VIT: variants seen among roughly 807,000 people sequenced by gnomAD.
VIT encodes the protein vitrin.
In VIT, 99 loss-of-function variants were observed where a neutral mutation model predicts 78.0. That is an observed-to-expected ratio of 1.27 (90% CI 1.08 to 1.50). The LOEUF (loss-of-function observed/expected upper bound fraction) is 1.50, where lower values mean the gene tolerates loss of function less well. VIT is among the 40% of genes most tolerant of loss of function. The pLI is 0.00. For missense variants in VIT, 1,126 were observed against 875.3 expected (o/e 1.29, Z -3.61); for synonymous variants, 374 against 334.3 (o/e 1.12, Z -1.29).
At position 36,758,972 on chromosome 2, in the gene VIT, G is replaced by A; in HGVS notation, c.413G>A (p.Ser138Asn). The A allele has an allele frequency of 3.1e-6, 5 of 1,609,174 alleles. No homozygotes were observed. Among genetic ancestry groups the A allele is most frequent in the East Asian group, 2.2e-5 (1 of 44,838 alleles). The change falls in exon 6 of 16, where the codon AGT becomes AAT. Residue 138 changes from serine (S) to asparagine (N), a missense_variant. Transcript: ENST00000379242. Reference sequence around the variant, plus strand: ...TTTTTTTTTCTCTTTTTTGCAGAAAGTAAACCCAAAAAGGGTGTAACCTAC... The same window carrying A: ...TTTTTTTTTCTCTTTTTTGCAGAAAATAAACCCAAAAAGGGTGTAACCTAC... The part of the protein sequence containing the change: ...RWRESFIVLE[S>N]KPKKGVTYPS...
intron 6 of VIT, among the ~76,000 whole-genome samples, chr2:36,765,634 A>G (rs574524591): frequency 2.0e-5 from 3 of 152,324 alleles, no homozygotes; most frequent in African/African-American, 7.2e-5. Flanking sequence ...ACCATATCAG[A>G]GGTCATATGA....
chr2:36,697,884 T>C (rs1011509071), intron 1 of VIT, among the ~76,000 whole-genome samples: 53 of 152,230 alleles, frequency 3.5e-4, no homozygotes, highest in Non-Finnish European at 1.2e-4. Context: ...TATTTTGCCG[T>C]TACGTTGTGT....
At chr2:36,721,433 T>A (rs1666503786) in intron 2 of VIT, among the ~76,000 whole-genome samples, 1 of 152,000 alleles carries the variant, frequency 6.6e-6, no homozygotes, top group African/African-American at 2.4e-5. Context: ...TTTGCTTAAG[T>A]CCCCCTACCC....
Position 36,754,861 on chromosome 2 carries a change from G to A in VIT, c.276-60G>A, listed in dbSNP as rs566466421. On this transcript the variant is annotated intron_variant, in intron 4 of 15. Transcript: ENST00000379242. ...AAGATGGCGACTGGTTTTCTAGCCT[G>A]TTGATCACGTCAAAAAATATTTCTG... The A allele has an allele frequency of 1.9e-6, 3 of 1,569,026 alleles. No individual in the cohort carries two copies. The Admixed American group carries it at 5.4e-5, about 28-fold the overall frequency.
At chr2:36,778,279 T>C (rs939864621) in intron 9 of VIT, among the ~76,000 whole-genome samples, 1 of 152,210 alleles carries the variant, frequency 6.6e-6, no homozygotes, top group Non-Finnish European at 1.5e-5. Flanking sequence ...GCAACACCAC[T>C]GCCTCCTACA....
At chr2:36,722,181 T>C (rs1222891271) in intron 2 of VIT, among the ~76,000 whole-genome samples, 4 of 152,226 alleles carry the variant, frequency 2.6e-5, no homozygotes, top group Non-Finnish European at 5.9e-5. Flanking sequence ...TTTCAATGCA[T>C]GATAGAGCAG....
intron 6 of VIT, chr2:36,759,437 G>A: frequency 1.6e-6 from 2 of 1,253,690 alleles, no homozygotes; most frequent in Non-Finnish European, 2.0e-6. Context: ...AGAGAACGAG[G>A]TGGTTTATGT....
intron 14 of VIT, among the ~76,000 whole-genome samples, chr2:36,806,948 C>T (rs966778387): frequency 1.2e-4 from 19 of 152,072 alleles, no homozygotes; most frequent in African/African-American, 4.4e-4. Context: ...ACCTTAAATC[C>T]CACCTATAAC....
chr2:36,707,706 C>T (rs1022536856), intron 1 of VIT, among the ~76,000 whole-genome samples: 6 of 152,170 alleles, frequency 3.9e-5, no homozygotes, highest in Non-Finnish European at 5.9e-5. Context: ...TCTGCGTAGG[C>T]CACCAACAGT....
chr2:36,813,117 G>A (rs1667305562), intron 15 of VIT, among the ~76,000 whole-genome samples: 1 of 149,178 alleles, frequency 6.7e-6, no homozygotes, highest in South Asian at 2.2e-4. Flanking sequence ...TGGGATTACA[G>A]GCATGCGCCA....
intron 3 of VIT, among the ~76,000 whole-genome samples, chr2:36,738,393 C>A (rs956661608): frequency 6.6e-6 from 1 of 151,960 alleles, no homozygotes; most frequent in Non-Finnish European, 1.5e-5. Context: ...AAGACTAATG[C>A]CTTTTAGGGT....
At chr2:36,748,957 G>A (rs750776246) in intron 4 of VIT, among the ~76,000 whole-genome samples, 13 of 152,178 alleles carry the variant, frequency 8.5e-5, no homozygotes, top group African/African-American at 1.4e-4. Context: ...CCTGAAAAAC[G>A]TACAAACTTA....
At chr2:36,801,036 C>T (rs1387252569) in intron 12 of VIT, among the ~76,000 whole-genome samples, 1 of 152,160 alleles carries the variant, frequency 6.6e-6, no homozygotes, top group Non-Finnish European at 1.5e-5. Flanking sequence ...ATGTTTTCAT[C>T]TACATGAGGA....
In VIT at chr2:36,721,318, G is replaced by A. The variant is rs552274788; in HGVS notation, c.52+4896G>A. Reference sequence around the variant, plus strand: ...GGGAATAATAAATCACTCTATTAATGAAAAACAAGGAAGCTTGCGTTCACA... The same window carrying A: ...GGGAATAATAAATCACTCTATTAATAAAAAACAAGGAAGCTTGCGTTCACA... On this transcript the variant is annotated intron_variant, in intron 2 of 15. Coordinates refer to ENST00000379242, the MANE Select transcript of VIT (RefSeq NM_053276.4). Among the ~76,000 whole-genome samples, 18 of 152,210 alleles carry A rather than the reference G, an allele frequency of 1.2e-4. No individual in the cohort carries two copies. The East Asian group carries it at 3.3e-3, about 28-fold the overall frequency.
At chr2:36,795,886 A>T (rs1392782550) in intron 12 of VIT, among the ~76,000 whole-genome samples, 1 of 152,216 alleles carries the variant, frequency 6.6e-6, no homozygotes, top group African/African-American at 2.4e-5. Context: ...GCTTGCAGAG[A>T]AAACAAGTGT....
At chr2:36,736,005 T>C (rs974328784) in intron 3 of VIT, among the ~76,000 whole-genome samples, 3 of 152,214 alleles carry the variant, frequency 2.0e-5, no homozygotes, top group African/African-American at 7.2e-5. Flanking sequence ...GACTGTTTAA[T>C]CCAAGGTAAA....
chr2:36,755,294 C>A (rs186483787), intron 5 of VIT, among the ~76,000 whole-genome samples: 1 of 152,322 alleles, frequency 6.6e-6, no homozygotes, highest in African/African-American at 2.4e-5. Context: ...CTGCAGTTAT[C>A]TGTAAGTCCA....
intron 6 of VIT, among the ~76,000 whole-genome samples, chr2:36,763,770 G>A (rs561095418): frequency 5.9e-5 from 9 of 152,028 alleles, no homozygotes; most frequent in South Asian, 2.1e-4. Flanking sequence ...TGTATTTTTA[G>A]TAGAGACAGA....
Position 36,805,677 on chromosome 2 carries a change from C to T in VIT, c.1389+13C>T. On this transcript the variant is annotated intron_variant, in intron 14 of 15. Coordinates refer to ENST00000379242, the MANE Select transcript of VIT (RefSeq NM_053276.4). ...CTTTGCAAACAAGGTAGATGACTGC[C>T]CGGAGACCTACCCAACATCAGGATT... 6.2e-7 allele frequency: 1 copy of T among 1,604,280 alleles called. No individual in the cohort carries two copies. The highest frequency in any genetic ancestry group is 8.5e-7 in the Non-Finnish European group (1 of 1,173,512).
Sources: gnomAD v4.1 joint callset for allele counts (sites outside exome capture counted in the v4.1 genomes callset) on GRCh38, gnomAD v4.1.1 for gene constraint, MANE v1.5 for transcripts, NCBI Gene and HGNC (gene_info 2026-07-23, HGNC 2026-07-21) for gene names.